DPP6: variants seen among roughly 807,000 people sequenced by gnomAD.
DPP6 encodes the protein dipeptidyl peptidase like 6.
Under a neutral mutation model 122.6 loss-of-function variants are expected in DPP6, and 69 were observed. The observed-to-expected ratio is 0.56, with a 90% CI of 0.46 to 0.69. The LOEUF is 0.69. Ranked by LOEUF, DPP6 falls within the 30% of genes least tolerant of loss-of-function variation. DPP6 has a pLI of 0.00. For missense variants in DPP6, 928 were observed against 1,116.9 expected, an observed-to-expected ratio of 0.83 and a Z score of 2.41; for synonymous variants, 418 against 433.1, an observed-to-expected ratio of 0.97 and a Z score of 0.43.
the DPP6 span, among the ~76,000 whole-genome samples, chr7:153,795,339 C>A: frequency 6.6e-6 from 1 of 152,164 alleles, no homozygotes; most frequent in Non-Finnish European, 1.5e-5. Flanking sequence ...TGCTTGAATC[C>A]AGGAGGTGGA....
the DPP6 span, among the ~76,000 whole-genome samples, chr7:153,771,150 C>G: frequency 2.6e-5 from 4 of 152,072 alleles, no homozygotes; most frequent in East Asian, 7.7e-4. Flanking sequence ...TAAATAAATG[C>G]CAATATAAGT....
At chr7:154,652,264 G>GTT (rs532694133) in intron 6 of DPP6, among the ~76,000 whole-genome samples, 19,434 of 149,478 alleles carry the variant, frequency 0.13, 1,314 homozygotes, top group African/African-American at 0.18. Context: ...CTCCAAAGGC[G>GTT]TTTTTTTTTT....
chr7:154,180,331 A>G (rs1178663079), intron 1 of DPP6, among the ~76,000 whole-genome samples: 1 of 149,618 alleles, frequency 6.7e-6, no homozygotes. Flanking sequence ...CTGGGCAACA[A>G]CCCGGGAGAC....
intron 1 of DPP6, among the ~76,000 whole-genome samples, chr7:154,116,891 T>C (rs1477980621): frequency 2.6e-5 from 4 of 152,164 alleles, no homozygotes; most frequent in African/African-American, 9.6e-5. Flanking sequence ...GCAAATTCAC[T>C]CCTCATTCTT....
intron 1 of DPP6, among the ~76,000 whole-genome samples, chr7:154,023,086 T>C: frequency 6.6e-6 from 1 of 151,942 alleles, no homozygotes; most frequent in East Asian, 1.9e-4. Flanking sequence ...CTATATTTAG[T>C]CTCTGTTTCA....
chr7:154,371,333 T>A (rs1812636415), intron 1 of DPP6, among the ~76,000 whole-genome samples: 1 of 130,708 alleles, frequency 7.7e-6, no homozygotes, highest in Admixed American at 9.0e-5. Context: ...GAGCCGAGAT[T>A]GTGCCACTGC....
chr7:154,469,887 C>T (rs1288111600), intron 2 of DPP6, among the ~76,000 whole-genome samples: 1 of 152,212 alleles, frequency 6.6e-6, no homozygotes, highest in Non-Finnish European at 1.5e-5. Context: ...TACTAAGCAG[C>T]ATCTGTGTTA....
At chr7:154,130,021 G>C (rs1028791810) in intron 1 of DPP6, among the ~76,000 whole-genome samples, 2 of 150,454 alleles carry the variant, frequency 1.3e-5, no homozygotes, top group Non-Finnish European at 2.9e-5. Flanking sequence ...GGTTGCAGTG[G>C]GAGGTTGCAG....
At chr7:153,979,212 T>G (rs1279287388) in intron 1 of DPP6, among the ~76,000 whole-genome samples, 1 of 152,150 alleles carries the variant, frequency 6.6e-6, no homozygotes, top group African/African-American at 2.4e-5. Context: ...TGTCCTCTCT[T>G]ATTTCCTTGA....
At chr7:154,751,708 A>G (rs769632129) in intron 8 of DPP6, among the ~76,000 whole-genome samples, 9 of 152,142 alleles carry the variant, frequency 5.9e-5, no homozygotes, top group Non-Finnish European at 1.0e-4. Context: ...GGACAGACAC[A>G]TGTCCAGAAC....
intron 7 of DPP6, among the ~76,000 whole-genome samples, chr7:154,717,430 G>A (rs1006982945): frequency 5.3e-5 from 8 of 150,856 alleles, no homozygotes; most frequent in East Asian, 4.0e-4. Flanking sequence ...TCCCAGCACC[G>A]TTCTACTCTC....
chr7:153,843,130 A>G, the DPP6 span, among the ~76,000 whole-genome samples: 1 of 151,952 alleles, frequency 6.6e-6, no homozygotes, highest in Admixed American at 6.6e-5. Flanking sequence ...GCGCATACAC[A>G]CTTGCATACA....
intron 7 of DPP6, among the ~76,000 whole-genome samples, chr7:154,712,682 G>C (rs1278361510): frequency 6.6e-6 from 1 of 152,168 alleles, no homozygotes; most frequent in African/African-American, 2.4e-5. Context: ...ATGAGAACCA[G>C]CTCACTATCA....
At chr7:154,278,313 C>T (rs996987416) in intron 1 of DPP6, among the ~76,000 whole-genome samples, 5 of 152,200 alleles carry the variant, frequency 3.3e-5, no homozygotes, top group Non-Finnish European at 5.9e-5. Flanking sequence ...AGTTTTCACA[C>T]TCCAGAAAAT....
At chr7:154,198,321 T>TATTA (rs370145758) in intron 1 of DPP6, among the ~76,000 whole-genome samples, 123,531 of 148,250 alleles carry the variant, frequency 0.83, 51,564 homozygotes, top group Non-Finnish European at 0.85. Flanking sequence ...TTATTATTAT[T>TATTA]TTTTTTTTGA....
At chr7:153,924,734 T>C (rs1317047117) in intron 1 of DPP6, among the ~76,000 whole-genome samples, 1 of 152,122 alleles carries the variant, frequency 6.6e-6, no homozygotes, top group African/African-American at 2.4e-5. Flanking sequence ...GATGGCCAGA[T>C]TGAAAGAGCA....
chr7:154,575,748 T>G (rs1464601063), intron 5 of DPP6, among the ~76,000 whole-genome samples: 6 of 147,786 alleles, frequency 4.1e-5, no homozygotes, highest in African/African-American at 1.5e-4. Flanking sequence ...TATGTGTGTG[T>G]GGTGTGTATG....
intron 10 of DPP6, chr7:154,793,766 G>A: frequency 4.2e-6 from 1 of 235,482 alleles, no homozygotes; most frequent in Non-Finnish European, 8.3e-6. Flanking sequence ...GCATCAGCTG[G>A]AGAGACGAGA....
chr7:154,233,231 C>G (rs1801013627), intron 1 of DPP6, among the ~76,000 whole-genome samples: 1 of 152,170 alleles, frequency 6.6e-6, no homozygotes, highest in African/African-American at 2.4e-5. Flanking sequence ...AGTAGGATGT[C>G]TTTATAAATT....
Sources: allele counts gnomAD v4.1 joint callset (sites outside exome capture counted in the v4.1 genomes callset), GRCh38; gene constraint gnomAD v4.1.1; transcripts MANE v1.5; gene names NCBI Gene and HGNC (gene_info 2026-07-23, HGNC 2026-07-21).